AXL: variants seen among roughly 807,000 people sequenced by gnomAD.
AXL encodes tyrosine-protein kinase receptor UFO.
Under a neutral mutation model 104.5 loss-of-function variants are expected in AXL, and 52 were observed. The observed-to-expected ratio is 0.50, with a 90% CI of 0.40 to 0.63. The LOEUF (loss-of-function observed/expected upper bound fraction) is 0.63, where lower values mean the gene tolerates loss of function less well. Ranked by LOEUF, AXL falls within the 20% of genes least tolerant of loss-of-function variation. AXL has a pLI of 0.00. For missense variants in AXL, 1,024 were observed against 1,188.5 expected (o/e 0.86, Z 2.04); for synonymous variants, 455 against 473.7 (o/e 0.96, Z 0.51).
chr19:41,246,585 T>C (rs1286379653), intron 12 of AXL, among the ~76,000 whole-genome samples: 1 of 151,174 alleles, frequency 6.6e-6, no homozygotes, highest in African/African-American at 2.4e-5. Context: ...TGTGGTGGTG[T>C]ACACCTATAA....
chr19:41,235,369 A>AATAAATAG (rs1450854201), intron 6 of AXL, among the ~76,000 whole-genome samples: 12 of 80,676 alleles, frequency 1.5e-4, no homozygotes, highest in Middle Eastern at 5.4e-3. Flanking sequence ...TAAATAAATA[A>AATAAATAG]ATAGATAGAT....
Position 41,239,241 on chromosome 19 carries a change from G to A in AXL, c.1212G>A (p.Val404=), listed in dbSNP as rs2122237921. 6.2e-7 allele frequency: 1 copy of A among 1,612,374 alleles called. No homozygotes were observed. ...ACGGGTCTGTGTCCAATCTGACAGTGTGTGTGGCAGCCTACACTGCTGCTG... is the reference window on the plus strand; with the variant it reads ...ACGGGTCTGTGTCCAATCTGACAGTATGTGTGGCAGCCTACACTGCTGCTG... ...QGDGSVSNLT[V]CVAAYTAAGD... The change falls in exon 9 of 20, where the codon GTG becomes GTA. Residue 404 remains valine, a synonymous_variant. Transcript: ENST00000301178.
At chr19:41,239,400 G>T (rs1185382326) in intron 9 of AXL, 86 bp downstream of exon 9, 3 of 1,502,362 alleles carry the variant, frequency 2.0e-6, no homozygotes, top group Non-Finnish European at 2.7e-6. Flanking sequence ...CAGTGTTACC[G>T]CAACTTAGGC....
chr19:41,230,900 C>G (rs532741792), intron 4 of AXL, 67 bp from the exon 5 acceptor site: 7 of 1,531,318 alleles, frequency 4.6e-6, no homozygotes, highest in Non-Finnish European at 6.3e-6. Flanking sequence ...AGGAGTGGCC[C>G]GGCATGGCCC....
intron 11 of AXL, 98 bp from the exon 12 acceptor site, chr19:41,243,518 C>A: frequency 1.1e-6 from 1 of 937,980 alleles, no homozygotes; most frequent in Non-Finnish European, 1.8e-6. Flanking sequence ...AGAGGGCAGG[C>A]AGGGCTTGAG....
Position 41,260,992 on chromosome 19 carries a change from T to C in AXL, c.*1088T>C, listed in dbSNP as rs1406097811. 6.6e-6 allele frequency: 1 copy of C among 152,178 alleles called. No homozygotes were observed. The highest frequency in any genetic ancestry group is 1.5e-5 in the Non-Finnish European group (1 of 68,032). The allele number at this position is 152,178 out of a possible 1,614,324, so 9.4% of individuals were successfully genotyped here. On this transcript the variant is annotated 3_prime_UTR_variant, in exon 20 of 20. Transcript: ENST00000301178. ...TTTCTGAGGCTTTATGATAATAGAT[T>C]CTCTTGTATAAGATCCTAGATCCTA... is the stretch of plus-strand genomic sequence containing the variant.
At chr19:41,228,585 C>T (rs4802112) in intron 4 of AXL, among the ~76,000 whole-genome samples, 3 of 151,828 alleles carry the variant, frequency 2.0e-5, no homozygotes, top group Non-Finnish European at 2.9e-5. Flanking sequence ...AGACACAATA[C>T]GTGAACTCCC....
intron 4 of AXL, among the ~76,000 whole-genome samples, chr19:41,228,246 C>T (rs1246865550): frequency 6.6e-6 from 1 of 152,086 alleles, no homozygotes; most frequent in Non-Finnish European, 1.5e-5. Flanking sequence ...AGGCAATCCA[C>T]CTTCACTCGA....
chr19:41,242,903 G>T lies in AXL; in HGVS notation c.1333G>T (p.Ala445Ser). Residue 445 changes from alanine to serine, a missense_variant, in exon 11 of 20, where the codon GCC becomes TCC. By Grantham distance (99) the Ala-to-Ser change is moderately conservative (BLOSUM62 1). This residue lies in a region of AXL where 523 missense variants were observed against 636.0 expected (regional missense o/e 0.82). Transcript: ENST00000301178. ...GATAGTGAAGGAACCTTCAACTCCT[G>T]CCTTCTCGTGGCCCTGGTGGTATGT... ...HQLVKEPSTP[A>S]FSWPWWYVLL... The T allele has an allele frequency of 6.2e-7, 1 of 1,614,162 alleles. No homozygotes were observed. The highest frequency in any genetic ancestry group is 8.5e-7 in the Non-Finnish European group (1 of 1,180,022).
chr19:41,259,846 C>A lies in AXL; in HGVS notation c.2627C>A (p.Pro876His), dbSNP rs771149495. The A allele has an allele frequency of 1.1e-5, 18 of 1,610,828 alleles. No homozygotes were observed. Among genetic ancestry groups the A allele is most frequent in the Non-Finnish European group, 1.4e-5 (17 of 1,178,168 alleles). ...YVLCPSTTPS[P>H]AQPADRGSPA... ...CTCTGCCCTTCCACAACCCCTAGCCCCGCTCAGCCTGCTGATAGGGGCTCC... is the reference window on the plus strand; with the variant it reads ...CTCTGCCCTTCCACAACCCCTAGCCACGCTCAGCCTGCTGATAGGGGCTCC... Residue 876 changes from proline (P) to histidine (H), a missense_variant, in exon 20 of 20, where the codon CCC (proline) becomes CAC (histidine). Physicochemically the swap from Pro to His is moderately conservative, Grantham distance 77. This residue lies in a region of AXL where 523 missense variants were observed against 636.0 expected (regional missense o/e 0.82). Coordinates refer to ENST00000301178, the MANE Select transcript of AXL (RefSeq NM_021913.5).
At chr19:41,229,522 C>T (rs1204188006) in intron 4 of AXL, among the ~76,000 whole-genome samples, 1 of 152,196 alleles carries the variant, frequency 6.6e-6, no homozygotes, top group Non-Finnish European at 1.5e-5. Flanking sequence ...GACTCAGCCT[C>T]CCAAAGTGCT....
At chr19:41,248,266 A>G (rs1692093987) in intron 12 of AXL, among the ~76,000 whole-genome samples, 1 of 152,248 alleles carries the variant, frequency 6.6e-6, no homozygotes, top group African/African-American at 2.4e-5. Flanking sequence ...GCACTGACCC[A>G]TCAGGGTGCC....
intron 1 of AXL, among the ~76,000 whole-genome samples, 178 bp downstream of exon 1, chr19:41,219,655 G>A (rs1485540872): frequency 6.6e-6 from 1 of 151,660 alleles, no homozygotes; most frequent in East Asian, 1.9e-4. Context: ...AAGTGCGGCA[G>A]AGGGAGAGAA....
At chr19:41,257,707 A>ATCT in intron 19 of AXL, 78 bp downstream of exon 19, 1 of 1,572,330 alleles carries the variant, frequency 6.4e-7, no homozygotes, top group Non-Finnish European at 8.7e-7. Flanking sequence ...TCACAGGTCC[A>ATCT]GGACTCTCTA....
chr19:41,226,789 G>A (rs550756026), intron 4 of AXL: 3 of 985,642 alleles, frequency 3.0e-6, no homozygotes, highest in South Asian at 4.7e-5. Context: ...AACTGCAGTC[G>A]CACTTACAAG....
chr19:41,236,583 C>A (rs2034083262), intron 6 of AXL, among the ~76,000 whole-genome samples: 1 of 151,858 alleles, frequency 6.6e-6, no homozygotes, highest in Non-Finnish European at 1.5e-5. Context: ...GAGTTTGAGA[C>A]CAGCCTGACT....
At chr19:41,238,651 G>A (rs781036649) in intron 8 of AXL, 42 bp downstream of exon 8, 6 of 1,574,812 alleles carry the variant, frequency 3.8e-6, no homozygotes. Flanking sequence ...GGCTTGGGGA[G>A]GAGGGAGGAG....
intron 3 of AXL, 96 bp downstream of exon 3, chr19:41,221,342 G>A: frequency 9.2e-7 from 1 of 1,082,960 alleles, no homozygotes; most frequent in Non-Finnish European, 1.3e-6. Context: ...AGGTCAAAGG[G>A]TGCTGGAGGA....
At position 41,243,740 on chromosome 19, in the gene AXL, T is replaced by C; in HGVS notation, c.1537+33T>C. 1.9e-6 allele frequency: 3 copies of C among 1,581,054 alleles called. No individual in the cohort carries two copies. In the South Asian group the frequency reaches 3.3e-5, roughly 17 times the overall value. On this transcript the variant is annotated intron_variant, in intron 12 of 19. Transcript: ENST00000301178. ...AACCCTATGCCCCACTGCCCTGGCC[T>C]GGATCTAAAGGCTGTAGAGAATCTG...
Sources: allele counts gnomAD v4.1 joint callset (sites outside exome capture counted in the v4.1 genomes callset), GRCh38; gene constraint gnomAD v4.1.1; regional missense constraint gnomAD v4.1.1; transcripts MANE v1.5; gene names NCBI Gene and HGNC (gene_info 2026-07-23, HGNC 2026-07-21).